The following FRMPD2 variants were observed in gnomAD, a reference collection of about 807,000 sequenced individuals.
FRMPD2 encodes FERM and PDZ domain-containing protein 2.
FRMPD2 carries 96 observed loss-of-function variants against 140.1 expected under a neutral mutation model. The observed-to-expected ratio is 0.69, with a 90% CI of 0.58 to 0.81. FRMPD2 has a LOEUF of 0.81. FRMPD2 is among the 40% of genes least tolerant of loss of function. FRMPD2 has a pLI of 0.00. For missense variants in FRMPD2, 1,240 were observed against 1,447.4 expected (o/e 0.86, Z 2.32); for synonymous variants, 449 against 547.6 (o/e 0.82, Z 2.52).
chr10:48,174,388 G>A (rs1365564097), intron 24 of FRMPD2, among the ~76,000 whole-genome samples: 1 of 152,218 alleles, frequency 6.6e-6, no homozygotes, highest in African/African-American at 2.4e-5. Context: ...CTCATTGTGA[G>A]GAAAAGAATC....
chr10:48,224,565 G>A lies in FRMPD2; in HGVS notation c.1169-1295C>T, dbSNP rs150882270. On this transcript the variant is annotated intron_variant, in intron 10 of 28. Coordinates refer to ENST00000374201, the MANE Select transcript of FRMPD2 (RefSeq NM_001018071.4). ...CTGCTGAATCTGATGCCCCACACGG[G>A]ACTCACCCTTCCCTTAGGATGAATT... Among the ~76,000 whole-genome samples the A allele has an allele frequency of 2.2e-3, 342 of 152,254 alleles. 1 individual carries two copies. Among genetic ancestry groups the A allele is most frequent in the African/African-American group, 8.0e-3 (333 of 41,534 alleles).
intron 10 of FRMPD2, among the ~76,000 whole-genome samples, chr10:48,229,108 A>G (rs1839793547): frequency 6.6e-6 from 1 of 152,094 alleles, no homozygotes; most frequent in Non-Finnish European, 1.5e-5. Flanking sequence ...ATTAGCCTCT[A>G]CTGTTAATAT....
intron 27 of FRMPD2, among the ~76,000 whole-genome samples, chr10:48,164,059 C>T (rs1161357930): frequency 2.0e-5 from 3 of 150,824 alleles, no homozygotes; most frequent in African/African-American, 4.9e-5. Flanking sequence ...TCTCCACCCC[C>T]ATCAAGGTGA....
chr10:48,240,316 G>C (rs780703469), intron 6 of FRMPD2, 44 bp downstream of exon 6: 1 of 1,593,070 alleles, frequency 6.3e-7, no homozygotes, highest in East Asian at 2.2e-5. Context: ...AAATAGAATG[G>C]GTACCATCAG....
At chr10:48,223,930 T>A (rs1341206320) in intron 10 of FRMPD2, among the ~76,000 whole-genome samples, 1 of 152,154 alleles carries the variant, frequency 6.6e-6, no homozygotes, top group Non-Finnish European at 1.5e-5. Flanking sequence ...GGAATGGAAA[T>A]CAGCTGGAAC....
In FRMPD2 at chr10:48,175,844, AC is replaced by A; in HGVS notation, c.2989+1del. 3.1e-6 allele frequency: 4 copies of A among 1,277,288 alleles called. No individual in the cohort carries two copies. The highest frequency in any genetic ancestry group is 4.6e-6 in the Non-Finnish European group (4 of 874,430). 79.1% of individuals were successfully genotyped at this position (1,277,288 alleles called of 1,614,324 possible). ...CAATGAGGACCCATCCCCATCTCTCACCCTGTAGGATCTGCCCTTCCTTGGC... is the reference window on the plus strand; with the variant it reads ...CAATGAGGACCCATCCCCATCTCTCACCTGTAGGATCTGCCCTTCCTTGGC... On this transcript the variant is annotated splice_donor_variant, in intron 23 of 28. Transcript: ENST00000374201. LOFTEE classifies it high-confidence loss of function.
rs1304580567 is a variant in FRMPD2 at position 48,237,881 on chromosome 10, G to GGGAA, written c.921+106_921+109dup. ...GTCCAATCCTATAAACCTCAGCCCA[G>GGGAA]GGAAGTTGTCCCCTAGAAGACCCTG... is the stretch of plus-strand genomic sequence containing the variant. On this transcript the variant is annotated intron_variant, in intron 8 of 28. Coordinates refer to ENST00000374201, the MANE Select transcript of FRMPD2 (RefSeq NM_001018071.4). The GGGAA allele has an allele frequency of 3.8e-6, 5 of 1,307,392 alleles. No homozygotes were observed. The African/African-American group carries it at 7.3e-5, about 19-fold the overall frequency. 81.0% of individuals were successfully genotyped at this position (1,307,392 alleles called of 1,614,324 possible).
In FRMPD2 at chr10:48,239,010, G is replaced by GTC. The variant is rs372321032; in HGVS notation, c.788+593_788+594dup. On this transcript the variant is annotated intron_variant, in intron 7 of 28. Coordinates refer to ENST00000374201, the MANE Select transcript of FRMPD2 (RefSeq NM_001018071.4). Reference sequence around the variant, plus strand: ...CTCTCCTCTTTCTCTCTGTCTCTCTGTCTCTCTCTCTCTCTCTCAGTTCCT... The same window carrying GTC: ...CTCTCCTCTTTCTCTCTGTCTCTCTGTCTCTCTCTCTCTCTCTCTCAGTTCCT... Among the ~76,000 whole-genome samples the GTC allele has an allele frequency of 6.4e-3, 967 of 150,258 alleles. 3 individuals carry two copies. Among genetic ancestry groups the GTC allele is most frequent in the South Asian group, 0.024 (112 of 4,760 alleles).
At chr10:48,235,642 C>A (rs1839949984) in intron 9 of FRMPD2, among the ~76,000 whole-genome samples, 1 of 152,204 alleles carries the variant, frequency 6.6e-6, no homozygotes, top group Non-Finnish European at 1.5e-5. Context: ...AGGCCCTGAG[C>A]AGAGGCCCAG....
intron 14 of FRMPD2, among the ~76,000 whole-genome samples, chr10:48,204,964 G>C (rs1266070550): frequency 6.6e-6 from 1 of 152,126 alleles, no homozygotes; most frequent in African/African-American, 2.4e-5. Context: ...TATTTCCTTT[G>C]CTGCTTTGGT....
chr10:48,204,361 T>C (rs1934674371), intron 14 of FRMPD2, among the ~76,000 whole-genome samples: 1 of 152,176 alleles, frequency 6.6e-6, no homozygotes, highest in African/African-American at 2.4e-5. Context: ...AGCAAATAAC[T>C]CTGTTGCAGC....
chr10:48,222,114 A>G (rs1370087827), intron 12 of FRMPD2, among the ~76,000 whole-genome samples, 199 bp downstream of exon 12: 1 of 144,732 alleles, frequency 6.9e-6, no homozygotes, highest in Admixed American at 7.1e-5. Context: ...GGATGGATGA[A>G]TCAATGAATA....
intron 15 of FRMPD2, among the ~76,000 whole-genome samples, chr10:48,196,603 AG>A (rs1378840951): frequency 2.0e-5 from 3 of 152,046 alleles, no homozygotes; most frequent in Non-Finnish European, 2.9e-5. Context: ...TGGCAAAGAG[AG>A]GTGTGTGAGA....
At position 48,192,785 on chromosome 10, in the gene FRMPD2, T is replaced by C; in HGVS notation, c.2064A>G (p.Val688=). The C allele has an allele frequency of 6.2e-7, 1 of 1,614,102 alleles. No homozygotes were observed. The change falls in exon 16 of 29, where the codon GTA becomes GTG. Residue 688 remains valine, a synonymous_variant. Transcript: ENST00000374201. ...RLSCSENELF[V]SRLQGAAGGL... ...CTCCTGCAGCACCCTGAAGCCTGGA[T>C]ACAAACAACTCGTTTTCTGAGCATG...
chr10:48,257,252 T>C (rs1293076807), intron 1 of FRMPD2, among the ~76,000 whole-genome samples: 1 of 151,724 alleles, frequency 6.6e-6, no homozygotes, highest in African/African-American at 2.4e-5. Context: ...TTACGGTTTT[T>C]ATTTTTTTAT....
At chr10:48,192,998 C>T in intron 15 of FRMPD2, 104 bp from the exon 16 acceptor site, 2 of 838,952 alleles carry the variant, frequency 2.4e-6, no homozygotes, top group African/African-American at 1.7e-5. Context: ...CTCTCCTCCT[C>T]CTTTCTTTTT....
intron 10 of FRMPD2, among the ~76,000 whole-genome samples, chr10:48,223,646 G>A (rs181329667): frequency 1.3e-5 from 2 of 152,288 alleles, no homozygotes; most frequent in African/African-American, 4.8e-5. Flanking sequence ...CACCTCAGCT[G>A]TACCAACCCC....
intron 9 of FRMPD2, 78 bp from the exon 10 acceptor site, chr10:48,232,367 G>T: frequency 9.9e-7 from 1 of 1,014,786 alleles, no homozygotes. Context: ...ACTGTACTAA[G>T]CACTTTACAC....
At chr10:48,174,000 C>T (rs1307934241) in intron 24 of FRMPD2, among the ~76,000 whole-genome samples, 12 of 152,236 alleles carry the variant, frequency 7.9e-5, no homozygotes, top group Non-Finnish European at 1.5e-4. Context: ...TACCCATGCT[C>T]ATTAGCAAAG....
Sources: gnomAD v4.1 joint callset for allele counts (sites outside exome capture counted in the v4.1 genomes callset) on GRCh38, gnomAD v4.1.1 for gene constraint, MANE v1.5 for transcripts, NCBI Gene and HGNC (gene_info 2026-07-23, HGNC 2026-07-21) for gene names.